The following SRCIN1 variants were observed in gnomAD, a reference collection of about 807,000 sequenced individuals.
SRCIN1 encodes SRC kinase signaling inhibitor 1, also known as P130Cas-associated protein.
In SRCIN1, 50 loss-of-function variants were observed where a neutral mutation model predicts 116.2. The observed-to-expected ratio is 0.43, with a 90% CI of 0.34 to 0.54. The LOEUF (loss-of-function observed/expected upper bound fraction) is 0.54, where lower values mean the gene tolerates loss of function less well. SRCIN1 is among the 20% of genes least tolerant of loss of function. The pLI, the probability that SRCIN1 is intolerant of heterozygous loss-of-function variation, is 0.02. For missense variants in SRCIN1, 1,446 were observed against 1,672.0 expected, an observed-to-expected ratio of 0.86 and a Z score of 2.36; for synonymous variants, 736 against 750.0, an observed-to-expected ratio of 0.98 and a Z score of 0.30.
chr17:38,603,784 C>A (rs1909200293), intron 1 of SRCIN1, among the ~76,000 whole-genome samples: 1 of 152,066 alleles, frequency 6.6e-6, no homozygotes, highest in Admixed American at 6.5e-5. Context: ...TCCCCTTATG[C>A]CCAGAGCCCT....
At chr17:38,579,622 C>T (rs1453252529) in intron 1 of SRCIN1, among the ~76,000 whole-genome samples, 1 of 152,212 alleles carries the variant, frequency 6.6e-6, no homozygotes, top group East Asian at 1.9e-4. Context: ...CCTCCCGACA[C>T]ACACACAAGA....
chr17:38,599,552 A>G lies in SRCIN1; in HGVS notation c.22+6132T>C, dbSNP rs140707448. Among the ~76,000 whole-genome samples, 36 of 152,310 alleles carry G rather than the reference A, an allele frequency of 2.4e-4. No homozygotes were observed. The East Asian group carries it at 6.9e-3, about 29-fold the overall frequency. On this transcript the variant is annotated intron_variant, in intron 1 of 18. Coordinates refer to ENST00000617146, the MANE Select transcript of SRCIN1 (RefSeq NM_025248.3). ...CGTCATTGAGGTGAAAGATGCAAAA[A>G]TACCACTGGAGCCTCCCATCCTGAA...
At position 38,585,567 on chromosome 17, in the gene SRCIN1, G is replaced by C. The variant is rs1254441738; in HGVS notation, c.23-6776C>G. Among the ~76,000 whole-genome samples, 1 of 152,140 alleles carries C rather than the reference G, an allele frequency of 6.6e-6. No individual in the cohort carries two copies. Among genetic ancestry groups the C allele is most frequent in the African/African-American group, 2.4e-5 (1 of 41,422 alleles). The stretch of plus-strand genomic sequence containing the variant: ...TGCTAGTGAAGGAATCGGCCTCCCT[G>C]TCCCTGGGTGCCCCTGGCTCTGCCT... On this transcript the variant is annotated intron_variant, in intron 1 of 18. Coordinates refer to ENST00000617146, the MANE Select transcript of SRCIN1 (RefSeq NM_025248.3). The surrounding 1 kb of genome is among the most constrained non-coding windows in gnomAD (Gnocchi z 4.2).
At chr17:38,559,513 G>A in intron 10 of SRCIN1, 72 bp downstream of exon 10, 1 of 1,496,032 alleles carries the variant, frequency 6.7e-7, no homozygotes, top group Admixed American at 1.8e-5. Context: ...AGGGGATGGG[G>A]CGGGACTTGC....
chr17:38,559,581 G>A lies in SRCIN1; in HGVS notation c.2025+4C>T. 1 of 1,598,620 alleles carries A rather than the reference G, an allele frequency of 6.3e-7. No individual in the cohort carries two copies. Among genetic ancestry groups the A allele is most frequent in the Non-Finnish European group, 8.5e-7 (1 of 1,179,070 alleles). ...GTGGGGCGGGGCCCAGGACGGGGCG[G>A]TACCTGGAGCTTGCGCAACTGCTGG... On this transcript the variant is annotated splice_donor_region_variant and intron_variant, in intron 10 of 18. Transcript: ENST00000617146.
intron 7 of SRCIN1, 73 bp downstream of exon 7, chr17:38,561,390 G>C (rs1906228070): frequency 7.1e-7 from 1 of 1,407,352 alleles, no homozygotes; most frequent in African/African-American, 1.5e-5. Flanking sequence ...CACCTGCCAC[G>C]GACTCTGCTG....
intron 2 of SRCIN1, among the ~76,000 whole-genome samples, chr17:38,569,902 G>A (rs1567871251): frequency 6.6e-6 from 1 of 152,136 alleles, no homozygotes; most frequent in Non-Finnish European, 1.5e-5. Context: ...GAGTGGACAC[G>A]TGGGGGCAGG....
In SRCIN1 at chr17:38,548,641, C is replaced by T; in HGVS notation, c.3186G>A (p.Val1062=). ...QVKLRRAVSE[V]ARPASTPPIM... ...TGGGTGGTGTGGAGGCTGGGCGGGC[C>T]ACCTCAGACACAGCCCGGCGCAGCT... Residue 1062 remains valine (V), a synonymous_variant, in exon 17 of 19, where the codon GTG becomes GTA. Transcript: ENST00000617146. 1 of 1,613,004 alleles carries T rather than the reference C, an allele frequency of 6.2e-7. No homozygotes were observed. The highest frequency in any genetic ancestry group is 1.1e-5 in the South Asian group (1 of 91,080).
At chr17:38,540,159 G>A (rs191703146) in intron 18 of SRCIN1, among the ~76,000 whole-genome samples, 13 of 152,086 alleles carry the variant, frequency 8.5e-5, no homozygotes, top group Middle Eastern at 3.4e-3. Context: ...ATCCTTGCAC[G>A]CCTGGGAACC....
Position 38,578,582 on chromosome 17 carries a change from G to C in SRCIN1, c.232C>G (p.Arg78Gly), listed in dbSNP as rs778725959. ...LSGLQKADAD[R>G]KRDAFMDHLK... ...TGGTCCATGAAGGCATCACGCTTGC[G>C]GTCGGCGTCCGCCTTCTGGAGCCCG... Residue 78 changes from arginine to glycine, a missense_variant, in exon 2 of 19, where the codon CGC becomes GGC. Around this residue, in one of 5 missense-constraint regions of SRCIN1, gnomAD observed 246 missense variants for 265.1 expected, o/e 0.93. Coordinates refer to ENST00000617146, the MANE Select transcript of SRCIN1 (RefSeq NM_025248.3). 6.2e-7 allele frequency: 1 copy of C among 1,612,216 alleles called. No individual in the cohort carries two copies. The highest frequency in any genetic ancestry group is 8.5e-7 in the Non-Finnish European group (1 of 1,179,000).
intron 18 of SRCIN1, chr17:38,543,234 C>T (rs1225676400): frequency 3.9e-5 from 18 of 456,104 alleles, no homozygotes; most frequent in South Asian, 2.2e-4. Context: ...CTTGCAAAGA[C>T]GGGAGGTGAC....
intron 18 of SRCIN1, among the ~76,000 whole-genome samples, chr17:38,539,502 G>C (rs1177967720): frequency 6.6e-6 from 1 of 152,174 alleles, no homozygotes; most frequent in African/African-American, 2.4e-5. Flanking sequence ...GGGTGAGAGA[G>C]AGGTAGGTGG....
intron 11 of SRCIN1, among the ~76,000 whole-genome samples, chr17:38,553,437 C>A (rs562153728): frequency 6.6e-6 from 1 of 152,300 alleles, no homozygotes; most frequent in South Asian, 2.1e-4. Context: ...TTGTAACTTG[C>A]ATCCCCTGAT....
chr17:38,552,956 C>T lies in SRCIN1; in HGVS notation c.2202-101G>A, dbSNP rs942783199. On this transcript the variant is annotated intron_variant, in intron 11 of 18. Coordinates refer to ENST00000617146, the MANE Select transcript of SRCIN1 (RefSeq NM_025248.3). The surrounding 1 kb of genome is among the most constrained non-coding windows in gnomAD (Gnocchi z 5.3). ...AAAGAAATCAGGCCACCAGTTGGAT[C>T]GAAAGTAAAAGCAGGAGGCTGGGCA... 16 of 1,519,880 alleles carry T rather than the reference C, an allele frequency of 1.1e-5. No homozygotes were observed. Among genetic ancestry groups the T allele is most frequent in the South Asian group, 9.1e-5 (7 of 77,222 alleles). The allele number at this position is 1,519,880 out of a possible 1,614,324, so 94.1% of individuals were successfully genotyped here.
rs556673596 is a variant in SRCIN1, at chr17:38,584,227, C to T, written c.23-5436G>A. 1.3e-3 allele frequency among the ~76,000 whole-genome samples: 195 copies of T among 152,274 alleles called. 1 individual carries two copies. Among genetic ancestry groups the T allele is most frequent in the African/African-American group, 4.5e-3 (185 of 41,556 alleles). ...AAGCTAGGATACCCTGGTGGAGGGG[C>T]GTTGGGCCTGAAGGTTCCCCCCAAC... On this transcript the variant is annotated intron_variant, in intron 1 of 18. Transcript: ENST00000617146.
At position 38,598,210 on chromosome 17, in the gene SRCIN1, A is replaced by T. The variant is rs578005428; in HGVS notation, c.22+7474T>A. Among the ~76,000 whole-genome samples, 7 of 152,226 alleles carry T rather than the reference A, an allele frequency of 4.6e-5. 1 individual carries two copies. In the South Asian group the frequency reaches 1.5e-3, roughly 32 times the overall value. On this transcript the variant is annotated intron_variant, in intron 1 of 18. Transcript: ENST00000617146. ...GGCTGGGGACAAGAATGGGGGACTC[A>T]TCAGGCCAGCCTGGTCACTGGGTGG...
chr17:38,540,602 C>T (rs1022714056), intron 18 of SRCIN1, among the ~76,000 whole-genome samples: 7 of 151,584 alleles, frequency 4.6e-5, no homozygotes, highest in Admixed American at 6.6e-5. Context: ...ACCAGTGACC[C>T]GCATGGCTGG....
At chr17:38,543,705 G>A in intron 18 of SRCIN1, 118 bp downstream of exon 18, 1 of 1,419,980 alleles carries the variant, frequency 7.0e-7, no homozygotes, top group Non-Finnish European at 9.4e-7. Flanking sequence ...GGGAAGGTCT[G>A]TCTGGGAAGA....
chr17:38,575,330 G>A (rs1907354319), intron 2 of SRCIN1, among the ~76,000 whole-genome samples: 1 of 152,128 alleles, frequency 6.6e-6, no homozygotes, highest in Non-Finnish European at 1.5e-5. Context: ...GCTCACTGCA[G>A]CCTTAACCTC....
Sources: gnomAD v4.1 joint callset for allele counts (sites outside exome capture counted in the v4.1 genomes callset) on GRCh38, gnomAD v4.1.1 for gene constraint, gnomAD v4.1.1 regional missense constraint, Gnocchi (gnomAD v3.1) non-coding constraint, MANE v1.5 for transcripts, NCBI Gene and HGNC (gene_info 2026-07-23, HGNC 2026-07-21) for gene names.